The following CEP55 variants were observed in gnomAD, a reference collection of about 807,000 sequenced individuals.
CEP55 encodes centrosomal protein 55, also known as centrosomal protein of 55 kDa.
CEP55 carries 57 observed loss-of-function variants against 63.2 expected under a neutral mutation model. The ratio of observed to expected loss-of-function variants is 0.90; its 90% CI spans 0.73 to 1.13. The LOEUF is 1.13. CEP55 is among the 50% of genes most tolerant of loss of function. The pLI is 0.00. For synonymous variants in CEP55, 178 were observed against 191.6 expected, an observed-to-expected ratio of 0.93 and a Z score of 0.59; for missense variants, 456 against 518.9, an observed-to-expected ratio of 0.88 and a Z score of 1.18.
intron 6 of CEP55, among the ~76,000 whole-genome samples, chr10:93,518,080 A>G (rs1300601224): frequency 6.6e-6 from 1 of 152,178 alleles, no homozygotes; most frequent in African/African-American, 2.4e-5. Context: ...TAACAGTCCT[A>G]CAAAAGTTGA....
chr10:93,512,659 G>A (rs564825724), intron 4 of CEP55, among the ~76,000 whole-genome samples: 32 of 152,136 alleles, frequency 2.1e-4, no homozygotes, highest in African/African-American at 5.5e-4. Flanking sequence ...TAATTTATAG[G>A]TATTTGGATA....
chr10:93,509,468 C>CATTATTATTATTATT (rs10606106), intron 4 of CEP55, among the ~76,000 whole-genome samples: 5,114 of 147,158 alleles, frequency 0.035, 125 homozygotes, highest in Non-Finnish European at 0.052. Flanking sequence ...GAACCATTAA[C>CATTATTATTATTATT]ATTATTATTA....
At position 93,528,086 on chromosome 10, in the gene CEP55, G is replaced by A; in HGVS notation, c.1328G>A (p.Cys443Tyr). 6.2e-7 allele frequency: 1 copy of A among 1,614,040 alleles called. No homozygotes were observed. The stretch of plus-strand genomic sequence containing the variant: ...GAAAGCCTGGTGGAATGTCCCAAGT[G>A]CAATATACAGTATCCAGCCACTGAG... ...LNESLVECPK[C>Y]NIQYPATEHR... is the part of the protein sequence containing the mutation. Residue 443 changes from cysteine to tyrosine, a missense_variant, in exon 9 of 9, where the codon TGC (cysteine) becomes TAC (tyrosine). Transcript: ENST00000371485.
intron 4 of CEP55, among the ~76,000 whole-genome samples, chr10:93,512,881 A>G (rs563270242): frequency 1.2e-3 from 182 of 152,322 alleles, no homozygotes; most frequent in Non-Finnish European, 1.8e-3. Flanking sequence ...CAACTGTACT[A>G]AGTTCACTGA....
chr10:93,504,439 C>T (rs2057667252), intron 3 of CEP55, among the ~76,000 whole-genome samples: 1 of 151,514 alleles, frequency 6.6e-6, no homozygotes, highest in African/African-American at 2.4e-5. Context: ...CGCCACTGTA[C>T]TCCGGCCTGG....
chr10:93,528,079 C>G lies in CEP55; in HGVS notation c.1321C>G (p.Pro441Ala). Residue 441 changes from proline (P) to alanine (A), a missense_variant, in exon 9 of 9, where the codon CCC becomes GCC. Coordinates refer to ENST00000371485, the MANE Select transcript of CEP55 (RefSeq NM_018131.5). The stretch of plus-strand genomic sequence containing the variant: ...ACTCAATGAAAGCCTGGTGGAATGT[C>G]CCAAGTGCAATATACAGTATCCAGC... ...AALNESLVECPKCNIQYPATE... is the reference protein window; with the variant it reads ...AALNESLVECAKCNIQYPATE... 1 of 1,614,014 alleles carries G rather than the reference C, an allele frequency of 6.2e-7. No individual in the cohort carries two copies. The highest frequency in any genetic ancestry group is 8.5e-7 in the Non-Finnish European group (1 of 1,179,976).
chr10:93,511,041 C>T (rs1245316738), intron 4 of CEP55, among the ~76,000 whole-genome samples: 1 of 150,036 alleles, frequency 6.7e-6, no homozygotes, highest in Admixed American at 6.7e-5. Flanking sequence ...CTGGTTCAAG[C>T]GATTCTTCTG....
intron 1 of CEP55, among the ~76,000 whole-genome samples, chr10:93,497,671 AAAAAT>A (rs2057586605): frequency 6.6e-6 from 1 of 152,092 alleles, no homozygotes; most frequent in South Asian, 2.1e-4. Flanking sequence ...GAACAATTGA[AAAAAT>A]AAAAGGTTAG....
intron 8 of CEP55, among the ~76,000 whole-genome samples, chr10:93,524,104 G>A (rs2057893678): frequency 1.3e-5 from 2 of 152,168 alleles, no homozygotes; most frequent in Middle Eastern, 3.2e-3. Flanking sequence ...CAGAACTGAA[G>A]GAGATAGAGA....
At position 93,503,341 on chromosome 10, in the gene CEP55, C is replaced by G. The variant is rs1293408346; in HGVS notation, c.412C>G (p.Arg138Gly). ...LKQQLSAATS[R>G]IAELESKTNT... Reference sequence around the variant, plus strand: ...ACAACAGTTGTCTGCTGCAACCTCACGAATTGCTGAACTTGAAAGCAAAAC... The same window carrying G: ...ACAACAGTTGTCTGCTGCAACCTCAGGAATTGCTGAACTTGAAAGCAAAAC... The change falls in exon 3 of 9, where the codon CGA becomes GGA. Residue 138 changes from arginine (R) to glycine (G), a missense_variant. Coordinates refer to ENST00000371485, the MANE Select transcript of CEP55 (RefSeq NM_018131.5). 6.2e-7 allele frequency: 1 copy of G among 1,614,148 alleles called. No homozygotes were observed. Among genetic ancestry groups the G allele is most frequent in the Non-Finnish European group, 8.5e-7 (1 of 1,180,010 alleles).
intron 8 of CEP55, among the ~76,000 whole-genome samples, chr10:93,525,721 A>G (rs879315369): frequency 4.4e-4 from 67 of 150,800 alleles, no homozygotes; most frequent in Admixed American, 1.1e-3. Flanking sequence ...ACAGCATGGT[A>G]CTGGTACCAA....
At chr10:93,523,956 T>A (rs953364007) in intron 8 of CEP55, among the ~76,000 whole-genome samples, 3 of 152,088 alleles carry the variant, frequency 2.0e-5, no homozygotes, top group African/African-American at 7.2e-5. Flanking sequence ...AGAGGGAAAT[T>A]TATAGCACTA....
Position 93,518,797 on chromosome 10 carries a change from T to A in CEP55, c.994-80T>A, listed in dbSNP as rs991940429. ...GTCCTGGTTAGAGATGTGAGACTTG[T>A]GATGTGAGCTTTCCGTGCATCCCAG... On this transcript the variant is annotated intron_variant, in intron 6 of 8. Transcript: ENST00000371485. The A allele has an allele frequency of 1.0e-5, 9 of 904,060 alleles. 1 individual carries two copies. The highest frequency in any genetic ancestry group is 2.3e-4 in the Middle Eastern group (1 of 4,438). The allele number at this position is 904,060 out of a possible 1,614,324, so 56.0% of individuals were successfully genotyped here. A position where few individuals can be genotyped will look rare whatever the true frequency, so the allele number is the denominator to read the frequency against.
chr10:93,500,323 T>C, intron 2 of CEP55, 89 bp downstream of exon 2: 1 of 1,107,910 alleles, frequency 9.0e-7, no homozygotes, highest in Non-Finnish European at 1.3e-6. Context: ...ACTCTTGCCG[T>C]GTTCCCTGTC....
At chr10:93,519,536 A>T (rs2057836241) in intron 7 of CEP55, 146 bp from the exon 8 acceptor site, 1 of 970,400 alleles carries the variant, frequency 1.0e-6, no homozygotes, top group Non-Finnish European at 1.5e-6. Flanking sequence ...CTCGTTTATT[A>T]ACATTTCATG....
intron 8 of CEP55, among the ~76,000 whole-genome samples, chr10:93,520,469 G>A (rs2057849682): frequency 6.6e-6 from 1 of 151,556 alleles, no homozygotes; most frequent in Admixed American, 6.6e-5. Flanking sequence ...CTGTTTTTAG[G>A]GATAATGGAC....
chr10:93,515,685 G>A, intron 5 of CEP55, 130 bp downstream of exon 5: 1 of 906,370 alleles, frequency 1.1e-6, no homozygotes, highest in Non-Finnish European at 1.6e-6. Flanking sequence ...TAGCCCTGAA[G>A]TAAGAAATAC....
chr10:93,503,352 A>G lies in CEP55; in HGVS notation c.423A>G (p.Glu141=). 1 of 1,614,152 alleles carries G rather than the reference A, an allele frequency of 6.2e-7. No homozygotes were observed. The highest frequency in any genetic ancestry group is 8.5e-7 in the Non-Finnish European group (1 of 1,179,992). The part of the protein sequence containing the change: ...QLSAATSRIA[E]LESKTNTLRL... ...CTGCTGCAACCTCACGAATTGCTGA[A>G]CTTGAAAGCAAAACCAATACACTCC... The change falls in exon 3 of 9, where the codon GAA becomes GAG. Residue 141 remains glutamate, a synonymous_variant. Coordinates refer to ENST00000371485, the MANE Select transcript of CEP55 (RefSeq NM_018131.5).
chr10:93,519,893 A>G (rs2057841530), intron 8 of CEP55, 86 bp downstream of exon 8: 2 of 1,452,760 alleles, frequency 1.4e-6, no homozygotes, highest in African/African-American at 1.4e-5. Context: ...GATACAGCTT[A>G]ACACACAGCT....
Sources: allele counts gnomAD v4.1 joint callset (sites outside exome capture counted in the v4.1 genomes callset), GRCh38; gene constraint gnomAD v4.1.1; transcripts MANE v1.5; gene names NCBI Gene and HGNC (gene_info 2026-07-23, HGNC 2026-07-21).